The following TENT4A variants were observed in gnomAD, a reference collection of about 807,000 sequenced individuals.
The protein encoded by TENT4A is DNA polymerase kappa.
A neutral mutation model predicts 72.8 loss-of-function variants in TENT4A; 7 were observed. The observed-to-expected ratio is 0.10, with a 90% CI of 0.05 to 0.18. The LOEUF (loss-of-function observed/expected upper bound fraction) is 0.18, where lower values mean the gene tolerates loss of function less well. Among genes scored for constraint, TENT4A ranks in the 10% least tolerant of loss-of-function variants. TENT4A has a pLI of 1.00. For missense variants in TENT4A, 831 were observed against 1,017.7 expected, an observed-to-expected ratio of 0.82 and a Z score of 2.50; for synonymous variants, 456 against 434.3, an observed-to-expected ratio of 1.05 and a Z score of -0.62.
intron 10 of TENT4A, 30 bp from the exon 11 acceptor site, chr5:6,751,009 G>T: frequency 6.2e-7 from 1 of 1,612,114 alleles, no homozygotes; most frequent in Non-Finnish European, 8.5e-7. Flanking sequence ...TGGTACAGCT[G>T]TCCTTTTTGT....
At chr5:6,752,409 TC>T (rs1206522212) in intron 11 of TENT4A, among the ~76,000 whole-genome samples, 1 of 152,240 alleles carries the variant, frequency 6.6e-6, no homozygotes, top group African/African-American at 2.4e-5. Context: ...TTAGCGCACT[TC>T]TGCTGCTGAC....
At chr5:6,731,610 A>G (rs1169512209) in intron 1 of TENT4A, among the ~76,000 whole-genome samples, 1 of 149,618 alleles carries the variant, frequency 6.7e-6, no homozygotes, top group Non-Finnish European at 1.5e-5. Context: ...TGTAATCACC[A>G]CTCACTGTAG....
intron 11 of TENT4A, 75 bp from the exon 12 acceptor site, chr5:6,752,798 G>A: frequency 7.4e-7 from 1 of 1,355,514 alleles, no homozygotes. Flanking sequence ...CCCTTTGGTG[G>A]TGCTGAGCTT....
intron 1 of TENT4A, among the ~76,000 whole-genome samples, chr5:6,729,957 C>A (rs77751604): frequency 0.049 from 7,492 of 152,196 alleles, 319 homozygotes; most frequent in African/African-American, 0.11. Flanking sequence ...TCATTTTCTT[C>A]TTTAGCAGTG....
intron 6 of TENT4A, among the ~76,000 whole-genome samples, chr5:6,744,413 C>A (rs1741972063): frequency 6.6e-6 from 1 of 152,174 alleles, no homozygotes; most frequent in African/African-American, 2.4e-5. Context: ...CATATAAAAT[C>A]ATCTCTAATT....
intron 1 of TENT4A, among the ~76,000 whole-genome samples, chr5:6,718,444 C>T (rs1470024432): frequency 6.6e-6 from 1 of 152,170 alleles, no homozygotes; most frequent in Non-Finnish European, 1.5e-5. Flanking sequence ...GGGGCCTTTC[C>T]CTCCCATACT....
At chr5:6,740,821 G>A (rs892013809) in intron 4 of TENT4A, among the ~76,000 whole-genome samples, 1 of 152,216 alleles carries the variant, frequency 6.6e-6, no homozygotes, top group African/African-American at 2.4e-5. Context: ...CACGAGACAA[G>A]CCCTGGCCGG....
chr5:6,730,627 G>C (rs901236282), intron 1 of TENT4A, among the ~76,000 whole-genome samples: 1 of 152,094 alleles, frequency 6.6e-6, no homozygotes, highest in Admixed American at 6.6e-5. Flanking sequence ...TAGGCACATC[G>C]ATAGGTCCCT....
chr5:6,755,194 G>A lies in TENT4A; in HGVS notation c.*249G>A. 1 of 385,386 alleles carries A rather than the reference G, an allele frequency of 2.6e-6. No homozygotes were observed. Among genetic ancestry groups the A allele is most frequent in the South Asian group, 7.8e-5 (1 of 12,756 alleles). 23.9% of individuals were successfully genotyped at this position (385,386 alleles called of 1,614,324 possible). On this transcript the variant is annotated 3_prime_UTR_variant, in exon 13 of 13. Transcript: ENST00000230859. ...GCCTTCCCAGGATTCTTCCTTCAGT[G>A]CTGAGGCAGGTCGGGCTCAGGAACT...
At chr5:6,730,157 G>T (rs1741135767) in intron 1 of TENT4A, among the ~76,000 whole-genome samples, 1 of 152,066 alleles carries the variant, frequency 6.6e-6, no homozygotes, top group African/African-American at 2.4e-5. Context: ...GCGTGCTTGG[G>T]TTTGCTTTAC....
chr5:6,731,301 G>A (rs528785433), intron 1 of TENT4A, among the ~76,000 whole-genome samples: 1 of 152,168 alleles, frequency 6.6e-6, no homozygotes, highest in African/African-American at 2.4e-5. Context: ...CGCATTTTAC[G>A]TTGTAATGGA....
chr5:6,755,105 C>T lies in TENT4A; in HGVS notation c.*160C>T. The stretch of plus-strand genomic sequence containing the variant: ...TGTTTCTTCGTGTGGTGGTCGCGTC[C>T]ATCTTCAAGAACAGCTCGTTGTGCT... On this transcript the variant is annotated 3_prime_UTR_variant, in exon 13 of 13. Transcript: ENST00000230859. 1 of 552,180 alleles carries T rather than the reference C, an allele frequency of 1.8e-6. No homozygotes were observed. The highest frequency in any genetic ancestry group is 3.1e-6 in the Non-Finnish European group (1 of 323,404). 34.2% of individuals were successfully genotyped at this position (552,180 alleles called of 1,614,324 possible).
rs1375991690 is a variant in TENT4A, at chr5:6,714,035, G to T, written c.52G>T (p.Ala18Ser). 4.0e-6 allele frequency: 4 copies of T among 989,046 alleles called. No homozygotes were observed. The highest frequency in any genetic ancestry group is 4.8e-6 in the Non-Finnish European group (4 of 833,316). 61.3% of individuals were successfully genotyped at this position (989,046 alleles called of 1,614,324 possible). Residue 18 changes from alanine (A) to serine (S), a missense_variant, in exon 1 of 13, where the codon GCC (alanine) becomes TCC (serine). By Grantham distance (99) the Ala-to-Ser change is moderately conservative. This residue lies in a region of TENT4A where 302 missense variants were observed against 293.8 expected (regional missense o/e 1.03). Coordinates refer to ENST00000230859, the MANE Select transcript of TENT4A (RefSeq NM_006999.6). The stretch of plus-strand genomic sequence containing the variant: ...GCCCGAGCAGAAGGGGCCGGCCAAT[G>T]CCCTGTGGATGCAGATCTGGGAGAC... The part of the protein sequence containing the change: ...IQPEQKGPAN[A>S]LWMQIWETSQ...
intron 1 of TENT4A, among the ~76,000 whole-genome samples, chr5:6,725,195 C>T (rs1740852261): frequency 1.3e-5 from 2 of 152,156 alleles, no homozygotes; most frequent in African/African-American, 4.8e-5. Flanking sequence ...ATGGCACGCA[C>T]CTGTAGTCCC....
intron 10 of TENT4A, 90 bp from the exon 11 acceptor site, chr5:6,750,949 G>A: frequency 7.2e-7 from 1 of 1,391,906 alleles, no homozygotes; most frequent in Non-Finnish European, 1.0e-6. Context: ...AGCCAGCCTG[G>A]ATGCAGGCGT....
intron 10 of TENT4A, chr5:6,750,739 C>CT: frequency 3.6e-6 from 2 of 551,234 alleles, no homozygotes; most frequent in Non-Finnish European, 6.3e-6. Flanking sequence ...CAGTAATCCT[C>CT]TAAATGGTTG....
intron 1 of TENT4A, among the ~76,000 whole-genome samples, chr5:6,728,096 C>T (rs775844814): frequency 9.2e-5 from 14 of 152,124 alleles, no homozygotes; most frequent in African/African-American, 3.1e-4. Flanking sequence ...GTTGACTGTA[C>T]GGAGGGCAGG....
At chr5:6,724,945 A>G (rs1740835465) in intron 1 of TENT4A, among the ~76,000 whole-genome samples, 1 of 152,242 alleles carries the variant, frequency 6.6e-6, no homozygotes, top group Non-Finnish European at 1.5e-5. Flanking sequence ...ATTGGAGTCC[A>G]GGTAGTCTCA....
Position 6,713,995 on chromosome 5 carries a change from C to A in TENT4A, c.12C>A (p.Arg4=), listed in dbSNP as rs1199007408. The A allele has an allele frequency of 9.5e-5, 93 of 980,930 alleles. No homozygotes were observed. Among genetic ancestry groups the A allele is most frequent in the Non-Finnish European group, 1.1e-4 (92 of 828,168 alleles). 60.8% of individuals were successfully genotyped at this position (980,930 alleles called of 1,614,324 possible). The change falls in exon 1 of 13, where the codon CGC becomes CGA. Residue 4 remains arginine (R), a synonymous_variant. Coordinates refer to ENST00000230859, the MANE Select transcript of TENT4A (RefSeq NM_006999.6). ...GGGGCGGCGCGTGGATGGATCCGCG[C>A]GTGGCCTGGATCCAGCCCGAGCAGA... is the stretch of plus-strand genomic sequence containing the variant. MDP[R]VAWIQPEQKG...
Sources: gnomAD v4.1 joint callset for allele counts (sites outside exome capture counted in the v4.1 genomes callset) on GRCh38, gnomAD v4.1.1 for gene constraint, gnomAD v4.1.1 regional missense constraint, MANE v1.5 for transcripts, NCBI Gene and HGNC (gene_info 2026-07-23, HGNC 2026-07-21) for gene names.